Variants in ST6GALNAC5 observed in about 807,000 individuals in gnomAD.
ST6GALNAC5 encodes alpha-N-acetylgalactosaminide alpha-2,6-sialyltransferase 5.
A neutral mutation model predicts 33.6 loss-of-function variants in ST6GALNAC5; 27 were observed. That is an observed-to-expected ratio of 0.80 (90% CI 0.59 to 1.11). ST6GALNAC5 has a LOEUF of 1.11. ST6GALNAC5 is among the 50% of genes least tolerant of loss of function. The probability of loss-of-function intolerance (pLI) is 0.00; values close to 1 mark genes in which losing one functional copy is unlikely to be tolerated. For synonymous variants in ST6GALNAC5, 194 were observed against 171.2 expected (o/e 1.13, Z -1.04); for missense variants, 428 against 454.0 (o/e 0.94, Z 0.52).
intron 2 of ST6GALNAC5, among the ~76,000 whole-genome samples, chr1:76,931,548 G>A (rs559105554): frequency 1.3e-3 from 196 of 152,200 alleles, no homozygotes; most frequent in African/African-American, 4.5e-3. Context: ...AGGGATTTAA[G>A]TATATGATAC....
At chr1:76,973,367 T>C (rs983679560) in intron 2 of ST6GALNAC5, among the ~76,000 whole-genome samples, 1 of 152,038 alleles carries the variant, frequency 6.6e-6, no homozygotes, top group East Asian at 1.9e-4. Context: ...AGTTCCAGTA[T>C]GAAGATTGTC....
intron 2 of ST6GALNAC5, among the ~76,000 whole-genome samples, chr1:76,901,601 T>C (rs1390364518): frequency 6.6e-6 from 1 of 152,198 alleles, no homozygotes; most frequent in Admixed American, 6.5e-5. Context: ...CAGGGTACTT[T>C]GGGAATATAA....
chr1:76,960,559 C>T (rs1648193075), intron 2 of ST6GALNAC5, among the ~76,000 whole-genome samples: 1 of 152,098 alleles, frequency 6.6e-6, no homozygotes, highest in Admixed American at 6.6e-5. Flanking sequence ...CAGGAATTTC[C>T]TCGTCCTAAT....
At chr1:76,981,548 CTG>C (rs1191483029) in intron 2 of ST6GALNAC5, among the ~76,000 whole-genome samples, 4 of 152,234 alleles carry the variant, frequency 2.6e-5, no homozygotes, top group Non-Finnish European at 5.9e-5. Context: ...GACTCCACCT[CTG>C]TGGGCAGGGC....
intron 2 of ST6GALNAC5, among the ~76,000 whole-genome samples, chr1:76,986,892 T>C (rs535941849): frequency 6.6e-6 from 1 of 152,106 alleles, no homozygotes; most frequent in Non-Finnish European, 1.5e-5. Flanking sequence ...CTGGAAACCA[T>C]CATTCTGAGC....
chr1:77,036,536 T>G (rs1243524278), intron 2 of ST6GALNAC5, among the ~76,000 whole-genome samples: 2 of 152,230 alleles, frequency 1.3e-5, no homozygotes, highest in Non-Finnish European at 2.9e-5. Context: ...AAGGTGGTTA[T>G]GACATATGCA....
At chr1:77,029,064 A>G (rs1651354349) in intron 2 of ST6GALNAC5, among the ~76,000 whole-genome samples, 2 of 152,176 alleles carry the variant, frequency 1.3e-5, no homozygotes, top group Admixed American at 6.5e-5. Context: ...TCAGTGGAAA[A>G]TAAGCTATAA....
At chr1:77,017,712 A>T (rs987533625) in intron 2 of ST6GALNAC5, among the ~76,000 whole-genome samples, 2 of 152,250 alleles carry the variant, frequency 1.3e-5, no homozygotes, top group African/African-American at 4.8e-5. Flanking sequence ...GCTGAATATT[A>T]TTAAAAGTTC....
chr1:77,000,967 C>A (rs981661707), intron 2 of ST6GALNAC5, among the ~76,000 whole-genome samples: 8 of 151,204 alleles, frequency 5.3e-5, no homozygotes, highest in Non-Finnish European at 1.2e-4. Context: ...ATTGCCTTGG[C>A]GATGCGGGCT....
intron 2 of ST6GALNAC5, among the ~76,000 whole-genome samples, chr1:76,894,778 T>C (rs1654089535): frequency 6.6e-6 from 1 of 152,094 alleles, no homozygotes; most frequent in South Asian, 2.1e-4. Flanking sequence ...AGATATGAAA[T>C]TACATGAGTA....
intron 2 of ST6GALNAC5, among the ~76,000 whole-genome samples, chr1:77,029,774 C>T (rs902375064): frequency 6.6e-6 from 1 of 152,190 alleles, no homozygotes; most frequent in Non-Finnish European, 1.5e-5. Flanking sequence ...ATGAGTTTTA[C>T]GAGCAAATGA....
chr1:76,944,877 GA>G (rs202003034), intron 2 of ST6GALNAC5, among the ~76,000 whole-genome samples: 10 of 150,842 alleles, frequency 6.6e-5, no homozygotes, highest in South Asian at 2.1e-4. Context: ...TCAACTGAGG[GA>G]AAAAAAAATG....
intron 2 of ST6GALNAC5, among the ~76,000 whole-genome samples, chr1:76,906,625 C>T (rs1646866499): frequency 6.6e-6 from 1 of 152,056 alleles, no homozygotes; most frequent in African/African-American, 2.4e-5. Context: ...TATAAAGATA[C>T]TTCTGATTGA....
intron 2 of ST6GALNAC5, among the ~76,000 whole-genome samples, chr1:77,034,539 A>G (rs1651580517): frequency 6.6e-6 from 1 of 152,112 alleles, no homozygotes; most frequent in Non-Finnish European, 1.5e-5. Flanking sequence ...TGACTGTCCC[A>G]CCTCTAAGGG....
chr1:77,001,674 A>G (rs1650172388), intron 2 of ST6GALNAC5, among the ~76,000 whole-genome samples: 1 of 151,740 alleles, frequency 6.6e-6, no homozygotes, highest in Non-Finnish European at 1.5e-5. Context: ...ATCAATACCT[A>G]ATTTATTGAG....
intron 2 of ST6GALNAC5, among the ~76,000 whole-genome samples, chr1:77,001,702 G>A (rs1251036384): frequency 6.6e-6 from 1 of 151,492 alleles, no homozygotes; most frequent in South Asian, 2.1e-4. Context: ...AGCATGAAGG[G>A]TTGTTGAATT....
At chr1:77,044,103 A>G (rs541942344) in intron 2 of ST6GALNAC5, 101 bp from the exon 3 acceptor site, 1 of 1,289,584 alleles carries the variant, frequency 7.8e-7, no homozygotes, top group East Asian at 2.5e-5. Flanking sequence ...AGGAGAGAAG[A>G]GATGGGTGCC....
At chr1:77,036,866 G>T (rs1651662924) in intron 2 of ST6GALNAC5, among the ~76,000 whole-genome samples, 1 of 152,164 alleles carries the variant, frequency 6.6e-6, no homozygotes, top group Admixed American at 6.5e-5. Context: ...ATTATTTTAG[G>T]TAGTGATACA....
At chr1:76,880,584 A>G (rs1166457284) in intron 2 of ST6GALNAC5, among the ~76,000 whole-genome samples, 2 of 152,208 alleles carry the variant, frequency 1.3e-5, no homozygotes, top group East Asian at 3.8e-4. Context: ...CTTGGAGTCC[A>G]GTGTTCGAGG....
Sources: gnomAD v4.1 joint callset for allele counts (sites outside exome capture counted in the v4.1 genomes callset) on GRCh38, gnomAD v4.1.1 for gene constraint, MANE v1.5 for transcripts, NCBI Gene and HGNC (gene_info 2026-07-23, HGNC 2026-07-21) for gene names.